Variants in RAB38 observed in about 807,000 individuals in gnomAD.
RAB38 encodes RAB38, member RAS oncogene family.
A neutral mutation model predicts 18.4 loss-of-function variants in RAB38; 15 were observed. The observed-to-expected ratio is 0.82, with a 90% CI of 0.55 to 1.26. The LOEUF is 1.26. RAB38 is among the 50% of genes most tolerant of loss of function. The pLI is 0.00. For missense variants in RAB38, 294 were observed against 267.4 expected (o/e 1.10, Z -0.69); for synonymous variants, 101 against 104.4 (o/e 0.97, Z 0.20).
At chr11:88,036,006 T>C in the RAB38 span, among the ~76,000 whole-genome samples, 1 of 152,112 alleles carries the variant, frequency 6.6e-6, no homozygotes, top group Non-Finnish European at 1.5e-5. Flanking sequence ...TTAAATTAAA[T>C]TAAAATTAAA....
At chr11:88,038,678 A>G in the RAB38 span, among the ~76,000 whole-genome samples, 1 of 152,142 alleles carries the variant, frequency 6.6e-6, no homozygotes, top group African/African-American at 2.4e-5. Context: ...TCTTCATACT[A>G]CCTTTCACCC....
chr11:87,932,050 C>T, the RAB38 span, among the ~76,000 whole-genome samples: 1 of 151,854 alleles, frequency 6.6e-6, no homozygotes, highest in Admixed American at 6.6e-5. Context: ...GTCCCAGTTC[C>T]AGGTCCCTAG....
the RAB38 span, among the ~76,000 whole-genome samples, chr11:87,900,672 G>GAAGGAAGGAAGGA: frequency 4.3e-5 from 5 of 115,272 alleles, no homozygotes; most frequent in African/African-American, 1.9e-4. Flanking sequence ...AGGAAGGAAG[G>GAAGGAAGGAAGGA]AAGGAAGGAA....
chr11:88,010,640 A>G, the RAB38 span, among the ~76,000 whole-genome samples: 1 of 152,134 alleles, frequency 6.6e-6, no homozygotes, highest in East Asian at 1.9e-4. Flanking sequence ...TCCTGGAGGG[A>G]TGACTCCTTA....
chr11:88,140,904 G>T (rs564064990), intron 2 of RAB38, among the ~76,000 whole-genome samples: 4 of 152,176 alleles, frequency 2.6e-5, no homozygotes, highest in African/African-American at 9.7e-5. Flanking sequence ...TTCCAGAAAA[G>T]CTGATGAATT....
At chr11:87,955,896 CACACACACAAGT>C in the RAB38 span, among the ~76,000 whole-genome samples, 1 of 145,432 alleles carries the variant, frequency 6.9e-6, no homozygotes, top group Admixed American at 6.7e-5. Context: ...CACACACACA[CACACACACAAGT>C]AGGACAGAAT....
At chr11:88,076,984 G>GAAAGAAAAGAAAAGA in the RAB38 span, among the ~76,000 whole-genome samples, 210 of 63,634 alleles carry the variant, frequency 3.3e-3, 1 homozygote, top group East Asian at 5.1e-3. Context: ...AAGAAAGAAA[G>GAAAGAAAAGAAAAGA]AAAGAAAAGA....
chr11:88,143,420 T>C (rs1942941319), intron 2 of RAB38, among the ~76,000 whole-genome samples: 1 of 152,170 alleles, frequency 6.6e-6, no homozygotes, highest in South Asian at 2.1e-4. Flanking sequence ...AGTTGTAACA[T>C]AAAAACAGCC....
the RAB38 span, among the ~76,000 whole-genome samples, chr11:88,030,506 A>G: frequency 6.6e-6 from 1 of 152,222 alleles, no homozygotes; most frequent in Non-Finnish European, 1.5e-5. Context: ...AAAAAAAGAG[A>G]GAAGAATCAA....
the RAB38 span, among the ~76,000 whole-genome samples, chr11:88,013,189 A>G: frequency 2.1e-5 from 3 of 145,180 alleles, no homozygotes; most frequent in African/African-American, 7.3e-5. Flanking sequence ...TTTAATAGTT[A>G]TCTAATCTCA....
At chr11:88,063,673 G>A in the RAB38 span, among the ~76,000 whole-genome samples, 5 of 152,114 alleles carry the variant, frequency 3.3e-5, no homozygotes, top group South Asian at 2.1e-4. Flanking sequence ...TCATGGGGGC[G>A]GTTTCACCCA....
At chr11:88,089,682 A>G in the RAB38 span, among the ~76,000 whole-genome samples, 1 of 151,866 alleles carries the variant, frequency 6.6e-6, no homozygotes, top group African/African-American at 2.4e-5. Flanking sequence ...TGATCAACTT[A>G]AAAAACCTCT....
the RAB38 span, among the ~76,000 whole-genome samples, chr11:88,045,214 C>T: frequency 6.6e-6 from 1 of 152,102 alleles, no homozygotes; most frequent in African/African-American, 2.4e-5. Context: ...AATCTGCTCC[C>T]GACATTAAAT....
the RAB38 span, among the ~76,000 whole-genome samples, chr11:88,042,560 G>A: frequency 6.6e-6 from 1 of 152,194 alleles, no homozygotes; most frequent in African/African-American, 2.4e-5. Context: ...ACAGTGCCTG[G>A]GGAAGCCAGA....
the RAB38 span, among the ~76,000 whole-genome samples, chr11:87,911,492 T>C: frequency 6.6e-6 from 1 of 151,932 alleles, no homozygotes; most frequent in South Asian, 2.1e-4. Flanking sequence ...GTACATCTTT[T>C]GCCAGATTTA....
the RAB38 span, among the ~76,000 whole-genome samples, chr11:87,830,724 C>G: frequency 2.6e-4 from 39 of 151,962 alleles, no homozygotes; most frequent in African/African-American, 8.7e-4. Flanking sequence ...GCTCTAATAT[C>G]AAATATATTA....
chr11:87,819,736 GTATATATA>G, the RAB38 span, among the ~76,000 whole-genome samples: 1 of 122,556 alleles, frequency 8.2e-6, no homozygotes, highest in Non-Finnish European at 1.6e-5. Context: ...ATATATATGT[GTATATATA>G]TATATACGTG....
chr11:88,029,861 G>C, the RAB38 span, among the ~76,000 whole-genome samples: 1 of 152,110 alleles, frequency 6.6e-6, no homozygotes, highest in African/African-American at 2.4e-5. Context: ...ATTGAACTCA[G>C]CTCTGCACCA....
the RAB38 span, among the ~76,000 whole-genome samples, chr11:87,874,687 A>C: frequency 3.1e-4 from 46 of 150,648 alleles, no homozygotes; most frequent in African/African-American, 1.1e-3. Context: ...AATAAAATAA[A>C]TTAAAAAATG....
Sources: allele counts gnomAD v4.1 joint callset (sites outside exome capture counted in the v4.1 genomes callset), GRCh38; gene constraint gnomAD v4.1.1; transcripts MANE v1.5; gene names NCBI Gene and HGNC (gene_info 2026-07-23, HGNC 2026-07-21).